Variants in RBFOX1 observed in about 807,000 individuals in gnomAD.
The protein encoded by RBFOX1 is RNA binding fox-1 homolog 1, also known as RNA binding protein fox-1 homolog 1.
RBFOX1 carries 8 observed loss-of-function variants against 57.7 expected under a neutral mutation model. That is an observed-to-expected ratio of 0.14 (90% CI 0.08 to 0.25). RBFOX1 has a LOEUF of 0.25. Ranked by LOEUF, RBFOX1 falls within the 10% of genes least tolerant of loss-of-function variation. The pLI, the probability that RBFOX1 is intolerant of heterozygous loss-of-function variation, is 1.00. For missense variants in RBFOX1, 611 were observed against 548.5 expected, an observed-to-expected ratio of 1.11 and a Z score of -1.14; for synonymous variants, 326 against 222.4, an observed-to-expected ratio of 1.47 and a Z score of -4.15.
At chr16:6,878,266 T>A (rs1273173906) in intron 3 of RBFOX1, among the ~76,000 whole-genome samples, 2 of 152,184 alleles carry the variant, frequency 1.3e-5, no homozygotes, top group Non-Finnish European at 2.9e-5. Flanking sequence ...TTCTTGTGAT[T>A]TGAGTGAGGC....
intron 4 of RBFOX1, among the ~76,000 whole-genome samples, chr16:7,299,508 C>G (rs759346908): frequency 6.6e-6 from 1 of 152,184 alleles, no homozygotes; most frequent in Non-Finnish European, 1.5e-5. Flanking sequence ...ACATGCAAAG[C>G]AATTGCTGCT....
intron 3 of RBFOX1, among the ~76,000 whole-genome samples, chr16:6,981,411 C>G (rs1029652795): frequency 6.6e-6 from 1 of 152,138 alleles, no homozygotes. Context: ...CATGTCCCTG[C>G]AAAGGACATC....
intron 13 of RBFOX1, chr16:7,671,709 G>A (rs867438891): frequency 9.9e-7 from 1 of 1,011,586 alleles, no homozygotes; most frequent in East Asian, 2.4e-5. Context: ...TAACATAGGA[G>A]GAAAGACTTA....
At chr16:5,668,478 A>G (rs2049918322) in intron 3 of RBFOX1, among the ~76,000 whole-genome samples, 1 of 152,162 alleles carries the variant, frequency 6.6e-6, no homozygotes, top group African/African-American at 2.4e-5. Flanking sequence ...GGTGGTTCTG[A>G]TAACCACTGG....
At chr16:7,191,658 G>A (rs912276155) in intron 4 of RBFOX1, among the ~76,000 whole-genome samples, 5 of 152,182 alleles carry the variant, frequency 3.3e-5, no homozygotes, top group East Asian at 1.9e-4. Flanking sequence ...ATTACAGTGC[G>A]TGTTTCCGTC....
chr16:6,969,738 T>C (rs2085100116), intron 3 of RBFOX1, among the ~76,000 whole-genome samples: 1 of 152,040 alleles, frequency 6.6e-6, no homozygotes, highest in African/African-American at 2.4e-5. Context: ...AGCCAGACCC[T>C]GTCTCAAATA....
At chr16:6,158,498 T>C (rs879809359) in intron 1 of RBFOX1, among the ~76,000 whole-genome samples, 2 of 152,248 alleles carry the variant, frequency 1.3e-5, no homozygotes, top group Non-Finnish European at 2.9e-5. Context: ...TTGAATTTTA[T>C]TGGAGTACTT....
intron 4 of RBFOX1, among the ~76,000 whole-genome samples, chr16:7,189,872 A>G (rs955944680): frequency 5.9e-5 from 9 of 152,224 alleles, no homozygotes; most frequent in African/African-American, 2.2e-4. Flanking sequence ...TATGTCTGCA[A>G]TAGGCCCAAC....
intron 1 of RBFOX1, among the ~76,000 whole-genome samples, chr16:5,263,329 C>A (rs946266670): frequency 2.6e-5 from 4 of 152,024 alleles, no homozygotes; most frequent in African/African-American, 4.8e-5. Context: ...TCTGCAATTA[C>A]TTTTGCACCA....
intron 3 of RBFOX1, among the ~76,000 whole-genome samples, chr16:6,983,255 A>G (rs1162093373): frequency 2.6e-5 from 4 of 152,060 alleles, no homozygotes; most frequent in Admixed American, 1.3e-4. Context: ...GCTACTTGGA[A>G]TCACTAGTAA....
At chr16:6,326,855 A>G (rs896443816) in intron 2 of RBFOX1, among the ~76,000 whole-genome samples, 1 of 152,050 alleles carries the variant, frequency 6.6e-6, no homozygotes, top group African/African-American at 2.4e-5. Context: ...GCATAATCAC[A>G]CACTACAGCC....
chr16:5,392,020 GTAACTCAGGGTTGGA>G (rs2066425196), intron 1 of RBFOX1, among the ~76,000 whole-genome samples: 1 of 152,036 alleles, frequency 6.6e-6, no homozygotes, highest in South Asian at 2.1e-4. Flanking sequence ...TCTAAGTGAA[GTAACTCAGGGTTGGA>G]AAACCAAACA....
At chr16:6,689,004 A>G (rs900491953) in intron 3 of RBFOX1, among the ~76,000 whole-genome samples, 1 of 152,142 alleles carries the variant, frequency 6.6e-6, no homozygotes, top group Non-Finnish European at 1.5e-5. Context: ...TCCATGGTTT[A>G]TATGTGCTGC....
chr16:7,019,082 G>T (rs2094072086), intron 3 of RBFOX1, among the ~76,000 whole-genome samples: 1 of 152,146 alleles, frequency 6.6e-6, no homozygotes. Context: ...GTGTGAGTGT[G>T]TGTATGTCTG....
At chr16:5,964,023 G>A (rs1487958636) in intron 4 of RBFOX1, among the ~76,000 whole-genome samples, 2 of 152,152 alleles carry the variant, frequency 1.3e-5, no homozygotes, top group African/African-American at 4.8e-5. Flanking sequence ...ATTAATATCT[G>A]TGTTTTATAT....
chr16:5,963,234 C>G (rs2059784779), intron 4 of RBFOX1, among the ~76,000 whole-genome samples: 1 of 152,120 alleles, frequency 6.6e-6, no homozygotes, highest in South Asian at 2.1e-4. Flanking sequence ...TAGCTTAAAC[C>G]AGCAAAGGTT....
chr16:6,904,905 C>A (rs747084632), intron 3 of RBFOX1, among the ~76,000 whole-genome samples: 2 of 152,120 alleles, frequency 1.3e-5, no homozygotes, highest in Non-Finnish European at 2.9e-5. Flanking sequence ...TCCCCTGTTC[C>A]CAATTCCCTC....
intron 4 of RBFOX1, among the ~76,000 whole-genome samples, chr16:7,396,617 C>A (rs969137595): frequency 1.3e-5 from 2 of 152,124 alleles, no homozygotes; most frequent in African/African-American, 4.8e-5. Context: ...TTGGTTCTGT[C>A]AATGGAAATA....
At chr16:6,363,561 T>C (rs955782342) in intron 2 of RBFOX1, among the ~76,000 whole-genome samples, 3 of 152,212 alleles carry the variant, frequency 2.0e-5, no homozygotes, top group African/African-American at 7.2e-5. Context: ...AGAGTCGAAT[T>C]GAGGTTGTTT....
Sources: allele counts gnomAD v4.1 joint callset (sites outside exome capture counted in the v4.1 genomes callset), GRCh38; gene constraint gnomAD v4.1.1; transcripts MANE v1.5; gene names NCBI Gene and HGNC (gene_info 2026-07-23, HGNC 2026-07-21).